PTPN9: variants seen among roughly 807,000 people sequenced by gnomAD.
PTPN9 encodes protein tyrosine phosphatase non-receptor type 9, also known as tyrosine-protein phosphatase non-receptor type 9.
In PTPN9, 26 loss-of-function variants were observed where a neutral mutation model predicts 69.8. The observed-to-expected ratio is 0.37, with a 90% CI of 0.27 to 0.52. The LOEUF (loss-of-function observed/expected upper bound fraction) is 0.52. Ranked by LOEUF, PTPN9 falls within the 20% of genes least tolerant of loss-of-function variation. The pLI, the probability that PTPN9 is intolerant of heterozygous loss-of-function variation, is 0.91. For missense variants in PTPN9, 549 were observed against 740.3 expected (o/e 0.74, Z 3.00); for synonymous variants, 274 against 272.5 (o/e 1.01, Z -0.05).
chr15:75,542,894 A>G (rs1039107270), intron 1 of PTPN9, among the ~76,000 whole-genome samples: 5 of 150,442 alleles, frequency 3.3e-5, no homozygotes, highest in African/African-American at 1.2e-4. Context: ...ACATGTGCAC[A>G]ATGTGCAGGT....
intron 5 of PTPN9, among the ~76,000 whole-genome samples, chr15:75,515,905 A>G (rs911864082): frequency 4.6e-5 from 7 of 152,208 alleles, no homozygotes; most frequent in Non-Finnish European, 1.5e-5. Context: ...CTCAAAAAAC[A>G]TAAAAATAAA....
Position 75,574,679 on chromosome 15 carries a change from G to A in PTPN9, c.63+4035C>T, listed in dbSNP as rs970700365. On this transcript the variant is annotated intron_variant, in intron 1 of 12. Transcript: ENST00000618819. ...TAAGGAGCCAGGCGCGGTGGCTCAC[G>A]CCTGTAATCCCAGCACTTTGGGAGG... 9.5e-4 allele frequency among the ~76,000 whole-genome samples: 144 copies of A among 152,038 alleles called. 1 individual carries two copies. Among genetic ancestry groups the A allele is most frequent in the African/African-American group, 3.3e-3 (135 of 41,510 alleles).
At chr15:75,505,267 G>A (rs536790196) in intron 7 of PTPN9, among the ~76,000 whole-genome samples, 20 of 148,718 alleles carry the variant, frequency 1.3e-4, no homozygotes, top group African/African-American at 3.7e-4. Context: ...CAGCATGCTC[G>A]TTAAGAATCA....
intron 1 of PTPN9, among the ~76,000 whole-genome samples, chr15:75,549,320 C>T (rs1477321023): frequency 1.3e-5 from 2 of 152,130 alleles, no homozygotes; most frequent in Non-Finnish European, 2.9e-5. Flanking sequence ...CCTGCCTCAG[C>T]CTCCTGAGTA....
intron 9 of PTPN9, among the ~76,000 whole-genome samples, chr15:75,476,464 A>G (rs1048243853): frequency 6.6e-6 from 1 of 152,052 alleles, no homozygotes; most frequent in Non-Finnish European, 1.5e-5. Flanking sequence ...ACAGGCATGC[A>G]CCACTACGCT....
chr15:75,537,451 A>G (rs1255143337), intron 1 of PTPN9, among the ~76,000 whole-genome samples: 6 of 129,200 alleles, frequency 4.6e-5, no homozygotes, highest in Non-Finnish European at 8.2e-5. Context: ...CCTAAAAAAA[A>G]AAAAAAAAAA....
chr15:75,565,663 TTAAA>T (rs2075123796), intron 1 of PTPN9, among the ~76,000 whole-genome samples: 1 of 152,212 alleles, frequency 6.6e-6, no homozygotes, highest in Non-Finnish European at 1.5e-5. Flanking sequence ...TAAAGGCTGT[TTAAA>T]TAAGATATGG....
At chr15:75,570,001 A>G (rs1250586950) in intron 1 of PTPN9, among the ~76,000 whole-genome samples, 2 of 151,890 alleles carry the variant, frequency 1.3e-5, no homozygotes, top group African/African-American at 4.8e-5. Flanking sequence ...TTGTATCTTT[A>G]CTAGAGACGG....
intron 6 of PTPN9, 59 bp downstream of exon 6, chr15:75,508,858 T>C (rs942615297): frequency 3.1e-6 from 4 of 1,290,060 alleles, no homozygotes; most frequent in Non-Finnish European, 4.4e-6. Context: ...AGAAAATTAA[T>C]TGGCAGGAAT....
chr15:75,536,972 T>C (rs1468118874), intron 1 of PTPN9, among the ~76,000 whole-genome samples: 2 of 152,154 alleles, frequency 1.3e-5, no homozygotes, highest in Admixed American at 1.3e-4. Context: ...AATGAATTAA[T>C]TATTGAAGTC....
At chr15:75,525,498 C>T (rs967995895) in intron 2 of PTPN9, among the ~76,000 whole-genome samples, 1 of 151,484 alleles carries the variant, frequency 6.6e-6, no homozygotes. Context: ...CCAGCCTCTT[C>T]AGTTCTCCTC....
chr15:75,574,766 C>A (rs2075163617), intron 1 of PTPN9, among the ~76,000 whole-genome samples: 1 of 151,334 alleles, frequency 6.6e-6, no homozygotes, highest in South Asian at 2.1e-4. Flanking sequence ...TGTAGTGAAA[C>A]CCCATCTCTA....
At chr15:75,479,478 G>A (rs2074615832) in intron 9 of PTPN9, among the ~76,000 whole-genome samples, 1 of 152,138 alleles carries the variant, frequency 6.6e-6, no homozygotes, top group Non-Finnish European at 1.5e-5. Context: ...CTCAATCTCT[G>A]GGAAGTCCAC....
intron 5 of PTPN9, among the ~76,000 whole-genome samples, chr15:75,516,894 G>A (rs952311961): frequency 2.0e-4 from 30 of 151,554 alleles, no homozygotes; most frequent in Admixed American, 1.4e-3. Flanking sequence ...ATAGGCACGC[G>A]CCACCACACC....
At chr15:75,492,936 T>A (rs780741426) in intron 7 of PTPN9, among the ~76,000 whole-genome samples, 1 of 152,090 alleles carries the variant, frequency 6.6e-6, no homozygotes, top group Admixed American at 6.5e-5. Context: ...GGAGGATCAC[T>A]TGAGCTCAGG....
At chr15:75,489,240 T>C (rs956570645) in intron 8 of PTPN9, among the ~76,000 whole-genome samples, 3 of 146,042 alleles carry the variant, frequency 2.1e-5, no homozygotes, top group Non-Finnish European at 4.5e-5. Context: ...TGGTTTAGGA[T>C]AAAATTTCCA....
In PTPN9 at chr15:75,527,236, A is replaced by G. The variant is rs937186808; in HGVS notation, c.89T>C (p.Ile30Thr). 15 of 1,614,032 alleles carry G rather than the reference A, an allele frequency of 9.3e-6. No homozygotes were observed. Among genetic ancestry groups the G allele is most frequent in the Admixed American group, 5.0e-5 (3 of 59,986 alleles). The change falls in exon 2 of 13, where the codon ATT (isoleucine) becomes ACT (threonine). Residue 30 changes from isoleucine (I) to threonine (T), a missense_variant. Physicochemically the swap from Ile to Thr is moderately conservative, Grantham distance 89 (BLOSUM62 -1). This residue lies in a region of PTPN9 where 62 missense variants were observed against 53.6 expected (regional missense o/e 1.16). Transcript: ENST00000618819. The stretch of plus-strand genomic sequence containing the variant: ...ATTGTACTGAACTGTCCACTTGTTA[A>G]TCTCTTCGAGAAACTGCTTGGTAGC... The part of the protein sequence containing the change: ...EQATKQFLEE[I>T]NKWTVQYNVS...
chr15:75,525,111 C>T (rs1177874310), intron 2 of PTPN9, among the ~76,000 whole-genome samples: 1 of 152,040 alleles, frequency 6.6e-6, no homozygotes, highest in East Asian at 1.9e-4. Context: ...TAGGCCTCTC[C>T]TATGTTTAAA....
At chr15:75,507,291 C>G (rs985340368) in intron 6 of PTPN9, among the ~76,000 whole-genome samples, 2 of 150,818 alleles carry the variant, frequency 1.3e-5, no homozygotes, top group Non-Finnish European at 3.0e-5. Flanking sequence ...TAAAAAAATA[C>G]AAGAATTAGC....
Sources: allele counts gnomAD v4.1 joint callset (sites outside exome capture counted in the v4.1 genomes callset), GRCh38; gene constraint gnomAD v4.1.1; regional missense constraint gnomAD v4.1.1; transcripts MANE v1.5; gene names NCBI Gene and HGNC (gene_info 2026-07-23, HGNC 2026-07-21).